Variants in HNRNPK observed in about 807,000 individuals in gnomAD.
HNRNPK encodes the protein heterogeneous nuclear ribonucleoprotein K.
A neutral mutation model predicts 67.0 loss-of-function variants in HNRNPK; 7 were observed. The ratio of observed to expected loss-of-function variants is 0.10; its 90% confidence interval spans 0.06 to 0.20. The LOEUF is 0.20. HNRNPK is among the 10% of genes least tolerant of loss of function. The probability of loss-of-function intolerance (pLI) is 1.00; values close to 1 mark genes in which losing one functional copy is unlikely to be tolerated. For synonymous variants in HNRNPK, 213 were observed against 193.7 expected (o/e 1.10, Z -0.83); for missense variants, 264 against 606.5 (o/e 0.44, Z 5.93).
In HNRNPK at chr9:83,978,263, T is replaced by A. The variant is rs1228802090; in HGVS notation, c.-11A>T. 6.2e-7 allele frequency: 1 copy of A among 1,610,744 alleles called. No homozygotes were observed. The highest frequency in any genetic ancestry group is 1.1e-5 in the South Asian group (1 of 90,816). On this transcript the variant is annotated 5_prime_UTR_variant, in exon 3 of 17. Coordinates refer to ENST00000376263, the MANE Select transcript of HNRNPK (RefSeq NM_031263.4). Reference sequence around the variant, plus strand: ...CTGTTCAGTTTCCATATTCTTTTATTAAACGGGCACACCAATCTGTGGAAA... The same window carrying A: ...CTGTTCAGTTTCCATATTCTTTTATAAAACGGGCACACCAATCTGTGGAAA...
chr9:83,970,853 A>C, intron 14 of HNRNPK, 34 bp from the exon 15 acceptor site: 2 of 1,608,198 alleles, frequency 1.2e-6, no homozygotes, highest in Non-Finnish European at 1.7e-6. Flanking sequence ...GTTCATTTAA[A>C]AAGTATGAAA....
intron 1 of HNRNPK, among the ~76,000 whole-genome samples, chr9:83,979,760 G>A (rs1027540787): frequency 2.6e-5 from 4 of 151,820 alleles, no homozygotes; most frequent in Non-Finnish European, 4.4e-5. Context: ...AGCCATCGAG[G>A]CAGCCCTGAC....
rs1241718868 is a variant in HNRNPK, at chr9:83,968,596, G to C, written c.*811C>G. ...ACTTGTAGTACTGCTCCCCACCTTA[G>C]TTCTTCACAACTAACATAGAAAATT... On this transcript the variant is annotated 3_prime_UTR_variant, in exon 17 of 17. Coordinates refer to ENST00000376263, the MANE Select transcript of HNRNPK (RefSeq NM_031263.4). 6.6e-6 allele frequency: 1 copy of C among 152,452 alleles called. No homozygotes were observed. Among genetic ancestry groups the C allele is most frequent in the Non-Finnish European group, 1.5e-5 (1 of 68,020 alleles). The allele number at this position is 152,452 out of a possible 1,614,324, so 9.4% of individuals were successfully genotyped here.
rs760205879 is a variant in HNRNPK, at chr9:83,973,282, T to A, written c.516+4A>T. On this transcript the variant is annotated splice_donor_region_variant and intron_variant, in intron 9 of 16. Coordinates refer to ENST00000376263, the MANE Select transcript of HNRNPK (RefSeq NM_031263.4). Reference sequence around the variant, plus strand: ...AGAATACGGCAGAATTTTTTTTTTTTTACCTCTCGAAGTTCTTTGATTTTA... The same window carrying A: ...AGAATACGGCAGAATTTTTTTTTTTATACCTCTCGAAGTTCTTTGATTTTA... The A allele has an allele frequency of 2.0e-6, 3 of 1,521,832 alleles. No individual in the cohort carries two copies. The highest frequency in any genetic ancestry group is 2.7e-6 in the Non-Finnish European group (3 of 1,101,996). 94.3% of individuals were successfully genotyped at this position (1,521,832 alleles called of 1,614,324 possible).
chr9:83,979,824 G>A (rs1429964463), intron 1 of HNRNPK, among the ~76,000 whole-genome samples: 1 of 152,152 alleles, frequency 6.6e-6, no homozygotes, highest in Non-Finnish European at 1.5e-5. Flanking sequence ...CCCAAGGTGA[G>A]GCGGGGCTCA....
At chr9:83,970,132 A>T in intron 16 of HNRNPK, 30 bp downstream of exon 16, 1 of 1,572,766 alleles carries the variant, frequency 6.4e-7, no homozygotes, top group Non-Finnish European at 8.7e-7. Context: ...TAGTATGTAT[A>T]AGCTAACACA....
Position 83,973,933 on chromosome 9 carries a change from G to T in HNRNPK, c.371C>A (p.Pro124Gln). 6.2e-7 allele frequency: 1 copy of T among 1,613,840 alleles called. No homozygotes were observed. ...GCATTCCACAGCATCAGATTCGAGC[G>T]GGAGCTGGCTGGTTGCAGTGGGTGA... ...LPSPTATSQL[P>Q]LESDAVECLN... The change falls in exon 8 of 17, where the codon CCG becomes CAG. Residue 124 changes from proline (P) to glutamine (Q), a missense_variant. Physicochemically the swap from Pro to Gln is moderately conservative, Grantham distance 76. Transcript: ENST00000376263.
chr9:83,977,530 G>C (rs1356280658), intron 4 of HNRNPK, among the ~76,000 whole-genome samples, 159 bp downstream of exon 4: 2 of 152,138 alleles, frequency 1.3e-5, no homozygotes, highest in Non-Finnish European at 2.9e-5. Context: ...ACTGTTAGTG[G>C]AATAAGAAAA....
At chr9:83,978,745 G>A (rs1957193332) in intron 1 of HNRNPK, among the ~76,000 whole-genome samples, 2 of 152,200 alleles carry the variant, frequency 1.3e-5, no homozygotes, top group Admixed American at 1.3e-4. Flanking sequence ...AAAGATAAAT[G>A]TCATCCACAA....
At chr9:83,971,567 C>A (rs1956843318) in intron 12 of HNRNPK, 105 bp downstream of exon 12, 2 of 972,818 alleles carry the variant, frequency 2.1e-6, no homozygotes, top group Non-Finnish European at 3.2e-6. Flanking sequence ...ACAAAATTTA[C>A]TTGTAAGAAA....
chr9:83,970,266 A>G lies in HNRNPK; in HGVS notation c.1257T>C (p.Ala419=). 4 of 1,613,884 alleles carry G rather than the reference A, an allele frequency of 2.5e-6. No homozygotes were observed. Among genetic ancestry groups the G allele is most frequent in the Non-Finnish European group, 3.4e-6 (4 of 1,179,818 alleles). ...CTAAAGGCTCATCAATTTTGATCGA[A>G]GCTCCCGACTCATGACGGATTTGTT... ...RIKQIRHESG[A]SIKIDEPLEG... The change falls in exon 16 of 17, where the codon GCT becomes GCC. Residue 419 remains alanine (A), a synonymous_variant. Coordinates refer to ENST00000376263, the MANE Select transcript of HNRNPK (RefSeq NM_031263.4).
At chr9:83,976,349 G>A (rs1249145671) in intron 5 of HNRNPK, among the ~76,000 whole-genome samples, 4 of 152,112 alleles carry the variant, frequency 2.6e-5, no homozygotes, top group Non-Finnish European at 5.9e-5. Flanking sequence ...AGAAATTTTG[G>A]TGTAGCCAAG....
Position 83,971,641 on chromosome 9 carries a change from C to CA in HNRNPK, c.1008+30dup, listed in dbSNP as rs745425154. The stretch of plus-strand genomic sequence containing the variant: ...TACATTGTGACAACCCTCACATACC[C>CA]AACACACTGGTAATAAACCAAAGTT... On this transcript the variant is annotated intron_variant, in intron 12 of 16. Coordinates refer to ENST00000376263, the MANE Select transcript of HNRNPK (RefSeq NM_031263.4). 9 of 1,569,810 alleles carry CA rather than the reference C, an allele frequency of 5.7e-6. No homozygotes were observed. The African/African-American group carries it at 1.2e-4, about 21-fold the overall frequency.
At position 83,978,121 on chromosome 9, in the gene HNRNPK, G is replaced by C. The variant is rs1192557702; in HGVS notation, c.58+74C>G. On this transcript the variant is annotated intron_variant, in intron 3 of 16. Coordinates refer to ENST00000376263, the MANE Select transcript of HNRNPK (RefSeq NM_031263.4). ...CCAAAAATTCACCACACACTCCTAA[G>C]GCAATAATTAACAGAAAAAGGCAAT... is the stretch of plus-strand genomic sequence containing the variant. 3 of 948,238 alleles carry C rather than the reference G, an allele frequency of 3.2e-6. No homozygotes were observed. In the Admixed American group the frequency reaches 5.3e-5, roughly 17 times the overall value. The allele number at this position is 948,238 out of a possible 1,614,324, so 58.7% of individuals were successfully genotyped here. A position where few individuals can be genotyped will look rare whatever the true frequency, so the allele number is the denominator to read the frequency against.
Position 83,969,109 on chromosome 9 carries a change from CAAT to C in HNRNPK, c.*295_*297del, listed in dbSNP as rs1391098453. The stretch of plus-strand genomic sequence containing the variant: ...TGGGGGGAATTTTTTAAACCACCAA[CAAT>C]AACGAAAAATAAAATCCACTCACTC... On this transcript the variant is annotated 3_prime_UTR_variant, in exon 17 of 17. Coordinates refer to ENST00000376263, the MANE Select transcript of HNRNPK (RefSeq NM_031263.4). The C allele has an allele frequency of 1.4e-5, 7 of 509,792 alleles. No homozygotes were observed. Among genetic ancestry groups the C allele is most frequent in the Non-Finnish European group, 2.1e-5 (6 of 288,506 alleles). The allele number at this position is 509,792 out of a possible 1,614,324, so 31.6% of individuals were successfully genotyped here.
Position 83,973,411 on chromosome 9 carries a change from G to A in HNRNPK, c.403-12C>T, listed in dbSNP as rs748165100. The A allele has an allele frequency of 2.7e-6, 4 of 1,475,022 alleles. No individual in the cohort carries two copies. The highest frequency in any genetic ancestry group is 3.4e-5 in the Admixed American group (2 of 59,344). The allele number at this position is 1,475,022 out of a possible 1,614,324, so 91.4% of individuals were successfully genotyped here. ...TTATAGTGTTGGTACTGTGGAGGGAGAATTATAAAATTTTAGTCTCAAATC... is the reference window on the plus strand; with the variant it reads ...TTATAGTGTTGGTACTGTGGAGGGAAAATTATAAAATTTTAGTCTCAAATC... On this transcript the variant is annotated splice_polypyrimidine_tract_variant and intron_variant, in intron 8 of 16. Transcript: ENST00000376263.
In HNRNPK at chr9:83,977,062, T is replaced by TA; in HGVS notation, c.157-12dup. On this transcript the variant is annotated splice_polypyrimidine_tract_variant and intron_variant, in intron 4 of 16. Transcript: ENST00000376263. ...CACTGCCCCAGCATTCTGGAGAAGATACAAAGACAAAAAATTATTTTGCCT... is the reference window on the plus strand; with the variant it reads ...CACTGCCCCAGCATTCTGGAGAAGATAACAAAGACAAAAAATTATTTTGCCT... The TA allele has an allele frequency of 6.2e-7, 1 of 1,605,330 alleles. No individual in the cohort carries two copies. The highest frequency in any genetic ancestry group is 8.5e-7 in the Non-Finnish European group (1 of 1,172,300).
At chr9:83,978,159 TAAA>T in intron 3 of HNRNPK, 33 bp downstream of exon 3, 1 of 1,366,310 alleles carries the variant, frequency 7.3e-7, no homozygotes, top group Non-Finnish European at 1.0e-6. Context: ...ATTAACAGGA[TAAA>T]AAAATACTGT....
intron 11 of HNRNPK, 62 bp from the exon 12 acceptor site, chr9:83,971,788 G>A: frequency 6.3e-7 from 1 of 1,588,952 alleles, no homozygotes; most frequent in Admixed American, 1.7e-5. Context: ...TCAAATCAAA[G>A]TCTACCTTGT....
Sources: gnomAD v4.1 joint callset for allele counts (sites outside exome capture counted in the v4.1 genomes callset) on GRCh38, gnomAD v4.1.1 for gene constraint, MANE v1.5 for transcripts, NCBI Gene and HGNC (gene_info 2026-07-23, HGNC 2026-07-21) for gene names.